DDX60: variants seen among roughly 807,000 people sequenced by gnomAD.
The protein encoded by DDX60 is probable ATP-dependent RNA helicase DDX60.
A neutral mutation model predicts 212.8 loss-of-function variants in DDX60; 165 were observed. That is an observed-to-expected ratio of 0.78 (90% CI 0.68 to 0.88). The LOEUF is 0.88. Among genes scored for constraint, DDX60 ranks in the 40% least tolerant of loss-of-function variants. DDX60 has a pLI of 0.00. For synonymous variants in DDX60, 703 were observed against 685.3 expected (o/e 1.03, Z -0.40); for missense variants, 1,905 against 2,003.9 (o/e 0.95, Z 0.94).
chr4:168,317,197 T>C (rs1005644926), intron 1 of DDX60, among the ~76,000 whole-genome samples: 3 of 149,546 alleles, frequency 2.0e-5, no homozygotes, highest in African/African-American at 4.9e-5. Context: ...TTAGGACACA[T>C]ACACACACAC....
Position 168,250,988 on chromosome 4 carries a change from A to C in DDX60, c.3824T>G (p.Leu1275Ter). 1 of 1,605,848 alleles carries C rather than the reference A, an allele frequency of 6.2e-7. No individual in the cohort carries two copies. Among genetic ancestry groups the C allele is most frequent in the Non-Finnish European group, 8.5e-7 (1 of 1,176,532 alleles). Residue 1275 changes from leucine (L) to a stop codon, truncating the protein, a stop_gained, in exon 28 of 38, where the codon TTA becomes TGA. Transcript: ENST00000393743. LOFTEE classifies it high-confidence loss of function. ...HSAMSFKEKQLVEILFRKGYL... is the reference protein window; with the variant it reads ...HSAMSFKEKQ ...TCCTTTTCTAAAGAGGATTTCAACT[A>C]ATTGTTTTTCTTTGAAACTCATAGC...
In DDX60 at chr4:168,288,323, T is replaced by G. The variant is rs1404244270; in HGVS notation, c.1042-8A>C. On this transcript the variant is annotated splice_polypyrimidine_tract_variant and splice_region_variant and intron_variant, in intron 8 of 37. Coordinates refer to ENST00000393743, the MANE Select transcript of DDX60 (RefSeq NM_017631.6). ...ATATTCACACCACTTTTTCTGAAAA[T>G]TGAAAAGAAAACCAAGTTATTGGCA... The G allele has an allele frequency of 6.9e-7, 1 of 1,456,928 alleles. No individual in the cohort carries two copies. Among genetic ancestry groups the G allele is most frequent in the Non-Finnish European group, 9.4e-7 (1 of 1,067,758 alleles). 90.3% of individuals were successfully genotyped at this position (1,456,928 alleles called of 1,614,324 possible). A position where few individuals can be genotyped will look rare whatever the true frequency, so the allele number is the denominator to read the frequency against.
At chr4:168,310,773 G>A (rs1248250483) in intron 3 of DDX60, among the ~76,000 whole-genome samples, 4 of 152,100 alleles carry the variant, frequency 2.6e-5, no homozygotes, top group African/African-American at 9.7e-5. Flanking sequence ...TTGTTACAAA[G>A]TTATCTCATT....
At chr4:168,262,593 A>G (rs181013562) in intron 23 of DDX60, 90 bp downstream of exon 23, 9 of 832,228 alleles carry the variant, frequency 1.1e-5, no homozygotes, top group Non-Finnish European at 1.7e-5. Flanking sequence ...TAATAATTTT[A>G]AAAGATTAGA....
intron 30 of DDX60, among the ~76,000 whole-genome samples, chr4:168,243,586 TA>T (rs1157728601): frequency 2.0e-5 from 3 of 152,108 alleles, no homozygotes; most frequent in Admixed American, 6.5e-5. Context: ...TGGCAATTAT[TA>T]AAAAGTCAAG....
intron 30 of DDX60, among the ~76,000 whole-genome samples, chr4:168,239,163 C>A (rs770679468): frequency 1.3e-5 from 2 of 151,966 alleles, no homozygotes; most frequent in Non-Finnish European, 2.9e-5. Context: ...GAAAATCAGA[C>A]AAACAAACAT....
chr4:168,248,316 C>T, intron 28 of DDX60, 24 bp from the exon 29 acceptor site: 1 of 1,515,330 alleles, frequency 6.6e-7, no homozygotes, highest in African/African-American at 1.4e-5. Flanking sequence ...AAAACAATTA[C>T]TTCATAAAAT....
At chr4:168,247,087 G>A (rs1166068410) in intron 29 of DDX60, among the ~76,000 whole-genome samples, 1 of 152,134 alleles carries the variant, frequency 6.6e-6, no homozygotes, top group Non-Finnish European at 1.5e-5. Context: ...ATACATGAGT[G>A]AAATAAAATT....
intron 25 of DDX60, among the ~76,000 whole-genome samples, chr4:168,258,798 T>C (rs1273277551): frequency 6.6e-6 from 1 of 152,108 alleles, no homozygotes; most frequent in Non-Finnish European, 1.5e-5. Context: ...GTCAAGAAGA[T>C]CACTCTGATC....
intron 14 of DDX60, among the ~76,000 whole-genome samples, chr4:168,277,808 C>CAA (rs1167471158): frequency 7.2e-5 from 4 of 55,606 alleles, no homozygotes; most frequent in East Asian, 5.7e-4. Flanking sequence ...GACTCCATCT[C>CAA]AAAAAAAAAA....
chr4:168,298,071 T>C (rs967034609), intron 6 of DDX60, among the ~76,000 whole-genome samples: 16 of 151,924 alleles, frequency 1.1e-4, no homozygotes, highest in African/African-American at 3.6e-4. Context: ...AAACAGAGAA[T>C]TGAGATTATT....
chr4:168,236,120 A>G, intron 33 of DDX60, 132 bp downstream of exon 33: 1 of 872,140 alleles, frequency 1.1e-6, no homozygotes, highest in Non-Finnish European at 1.7e-6. Flanking sequence ...ACTGATTACA[A>G]AAAGAACAAA....
intron 33 of DDX60, among the ~76,000 whole-genome samples, chr4:168,233,172 C>T (rs1485593542): frequency 6.6e-6 from 1 of 152,066 alleles, no homozygotes; most frequent in African/African-American, 2.4e-5. Flanking sequence ...CCACCTTACT[C>T]CTGTAAGGAT....
chr4:168,322,680 G>A (rs1737629621), upstream of DDX60, among the ~76,000 whole-genome samples: 1 of 152,188 alleles, frequency 6.6e-6, no homozygotes, highest in Non-Finnish European at 1.5e-5. Context: ...CATTGGTGAG[G>A]GAATGATTCC....
At position 168,285,510 on chromosome 4, in the gene DDX60, C is replaced by CAAAA; in HGVS notation, c.1340-16_1340-13dup. 1 of 1,533,378 alleles carries CAAAA rather than the reference C, an allele frequency of 6.5e-7. No homozygotes were observed. The highest frequency in any genetic ancestry group is 8.8e-7 in the Non-Finnish European group (1 of 1,132,370). 95.0% of individuals were successfully genotyped at this position (1,533,378 alleles called of 1,614,324 possible). ...TTCATTGGAGCTGTCTGTAAACAAACAAAAAAAAATTGAGACAAGGTCAAA... is the reference window on the plus strand; with the variant it reads ...TTCATTGGAGCTGTCTGTAAACAAACAAAAAAAAAAAAATTGAGACAAGGTCAAA... On this transcript the variant is annotated splice_polypyrimidine_tract_variant and intron_variant, in intron 10 of 37. Transcript: ENST00000393743.
intron 33 of DDX60, among the ~76,000 whole-genome samples, chr4:168,233,689 T>C (rs115865763): frequency 6.6e-6 from 1 of 152,202 alleles, no homozygotes; most frequent in African/African-American, 2.4e-5. Flanking sequence ...AATGGTACAA[T>C]GGACTTTGGG....
chr4:168,285,618 A>G (rs823282), intron 10 of DDX60, 120 bp from the exon 11 acceptor site: 243,703 of 628,110 alleles, frequency 0.39, 49,138 homozygotes, highest in African/African-American at 0.58. Flanking sequence ...TTATTTACAT[A>G]TATCAAGTTC....
rs966935188 is a variant in DDX60 at position 168,233,174 on chromosome 4, T to G, written c.4533+3078A>C. Among the ~76,000 whole-genome samples, 5 of 152,148 alleles carry G rather than the reference T, an allele frequency of 3.3e-5. No homozygotes were observed. In the East Asian group the frequency reaches 9.6e-4, roughly 29 times the overall value. ...CCACAGTGCAACGCCACCTTACTCC[T>G]GTAAGGATGGCCATAATCAAAAAAT... On this transcript the variant is annotated intron_variant, in intron 33 of 37. Coordinates refer to ENST00000393743, the MANE Select transcript of DDX60 (RefSeq NM_017631.6).
At position 168,252,522 on chromosome 4, in the gene DDX60, G is replaced by A. The variant is rs775081725; in HGVS notation, c.3692C>T (p.Ala1231Val). ...GTAAGTGCTGACCTCAGTGTCCACTGCTTTTTGATCAGCATATGTGCAGTC... is the reference window on the plus strand; with the variant it reads ...GTAAGTGCTGACCTCAGTGTCCACTACTTTTTGATCAGCATATGTGCAGTC... ...PQDCTYADQKAVDTETLQKVF... is the reference protein window; with the variant it reads ...PQDCTYADQKVVDTETLQKVF... The change falls in exon 27 of 38, where the codon GCA (alanine) becomes GTA (valine). Residue 1231 changes from alanine to valine, a missense_variant. By Grantham distance (64) the Ala-to-Val change is moderately conservative. Coordinates refer to ENST00000393743, the MANE Select transcript of DDX60 (RefSeq NM_017631.6). The A allele has an allele frequency of 6.2e-7, 1 of 1,613,594 alleles. No homozygotes were observed.
Sources: gnomAD v4.1 joint callset for allele counts (sites outside exome capture counted in the v4.1 genomes callset) on GRCh38, gnomAD v4.1.1 for gene constraint, MANE v1.5 for transcripts, NCBI Gene and HGNC (gene_info 2026-07-23, HGNC 2026-07-21) for gene names.